Variants in DLGAP2 observed in about 807,000 individuals in gnomAD.
DLGAP2 encodes the protein disks large-associated protein 2.
Under a neutral mutation model 100.3 loss-of-function variants are expected in DLGAP2, and 26 were observed. The observed-to-expected ratio is 0.26, with a 90% CI of 0.19 to 0.36. The LOEUF is 0.36. DLGAP2 is among the 10% of genes least tolerant of loss of function. The pLI, the probability that DLGAP2 is intolerant of heterozygous loss-of-function variation, is 1.00. For synonymous variants in DLGAP2, 886 were observed against 630.1 expected, an observed-to-expected ratio of 1.41 and a Z score of -6.08; for missense variants, 1,858 against 1,453.2, an observed-to-expected ratio of 1.28 and a Z score of -4.53.
At chr8:1,191,397 C>T (rs565088296) in intron 2 of DLGAP2, among the ~76,000 whole-genome samples, 6 of 152,254 alleles carry the variant, frequency 3.9e-5, no homozygotes, top group African/African-American at 1.2e-4. Flanking sequence ...GTCTTGATCT[C>T]CTGACCTTGT....
intron 2 of DLGAP2, among the ~76,000 whole-genome samples, chr8:1,182,142 C>T (rs1052124369): frequency 4.6e-5 from 7 of 152,208 alleles, no homozygotes; most frequent in African/African-American, 1.4e-4. Flanking sequence ...CCTGAGGTGG[C>T]GAGTCATGTG....
intron 14 of DLGAP2, among the ~76,000 whole-genome samples, chr8:1,698,463 C>T (rs1300011262): frequency 6.6e-6 from 1 of 151,078 alleles, no homozygotes; most frequent in Non-Finnish European, 1.5e-5. Context: ...ATGCATGGGA[C>T]AGGTCCACGT....
At chr8:1,237,673 C>G in intron 2 of DLGAP2, among the ~76,000 whole-genome samples, 1 of 26,966 alleles carries the variant, frequency 3.7e-5, no homozygotes, top group Non-Finnish European at 9.0e-5. Flanking sequence ...ATGTCTAGTT[C>G]TCTCTCACAT....
intron 2 of DLGAP2, among the ~76,000 whole-genome samples, chr8:1,198,997 C>T (rs1372884750): frequency 6.6e-6 from 1 of 152,246 alleles, no homozygotes; most frequent in African/African-American, 2.4e-5. Context: ...AGCTGAGTTT[C>T]AGCTGCTCCT....
At chr8:1,459,476 A>T (rs757892) in intron 3 of DLGAP2, among the ~76,000 whole-genome samples, 23,311 of 152,184 alleles carry the variant, frequency 0.15, 2,046 homozygotes, top group South Asian at 0.27. Flanking sequence ...AAGATGTTCT[A>T]TTCCATGCAC....
At chr8:1,696,653 G>A (rs1799405107) in intron 13 of DLGAP2, among the ~76,000 whole-genome samples, 1 of 152,202 alleles carries the variant, frequency 6.6e-6, no homozygotes, top group Non-Finnish European at 1.5e-5. Context: ...GTTGGTGAGA[G>A]CATCCTGTTC....
intron 6 of DLGAP2, among the ~76,000 whole-genome samples, chr8:1,595,958 G>C (rs1796446319): frequency 6.6e-6 from 1 of 151,636 alleles, no homozygotes; most frequent in Non-Finnish European, 1.5e-5. Flanking sequence ...TGCCATGTTG[G>C]TGTGCTGTAC....
intron 1 of DLGAP2, among the ~76,000 whole-genome samples, chr8:841,901 G>C (rs1389643370): frequency 6.6e-6 from 1 of 152,094 alleles, no homozygotes; most frequent in African/African-American, 2.4e-5. Flanking sequence ...GAGAGCACAG[G>C]ATATAATAGA....
At chr8:1,495,212 C>G (rs2130298891) in intron 3 of DLGAP2, among the ~76,000 whole-genome samples, 1 of 152,278 alleles carries the variant, frequency 6.6e-6, no homozygotes, top group South Asian at 2.1e-4. Flanking sequence ...CGTGTGGTGG[C>G]CGTGCTGGGT....
intron 2 of DLGAP2, among the ~76,000 whole-genome samples, chr8:1,085,171 A>G (rs945075336): frequency 1.3e-5 from 2 of 152,226 alleles, no homozygotes; most frequent in South Asian, 4.1e-4. Context: ...CTTTTGAGAA[A>G]TGTGTGTTCA....
At chr8:1,090,533 G>T (rs1001063222) in intron 2 of DLGAP2, among the ~76,000 whole-genome samples, 2 of 152,250 alleles carry the variant, frequency 1.3e-5, no homozygotes, top group South Asian at 2.1e-4. Flanking sequence ...CAGAAATTCA[G>T]GGCCTGAGTG....
intron 1 of DLGAP2, among the ~76,000 whole-genome samples, chr8:905,600 C>A (rs2128998348): frequency 6.6e-6 from 1 of 152,268 alleles, no homozygotes; most frequent in Admixed American, 6.5e-5. Context: ...CCTGCCTGTC[C>A]CTGACCCTAA....
At chr8:1,498,199 G>A (rs922792755) in intron 3 of DLGAP2, among the ~76,000 whole-genome samples, 3 of 152,152 alleles carry the variant, frequency 2.0e-5, no homozygotes, top group African/African-American at 7.2e-5. Context: ...AGGGGTTGTG[G>A]AGATGCAGTT....
intron 6 of DLGAP2, among the ~76,000 whole-genome samples, chr8:1,620,125 C>T (rs73671258): frequency 6.6e-6 from 1 of 152,154 alleles, no homozygotes; most frequent in African/African-American, 2.4e-5. Context: ...TCAAAAGTTC[C>T]ACTCATACTT....
intron 3 of DLGAP2, among the ~76,000 whole-genome samples, chr8:1,435,002 G>C (rs966287787): frequency 1.3e-5 from 2 of 152,162 alleles, no homozygotes; most frequent in African/African-American, 4.8e-5. Flanking sequence ...TCAGTACTCT[G>C]TGTTATTCTT....
chr8:941,426 A>G (rs1405851619), intron 2 of DLGAP2, among the ~76,000 whole-genome samples: 3 of 151,400 alleles, frequency 2.0e-5, no homozygotes, highest in Non-Finnish European at 4.4e-5. Context: ...TGTGTTACTC[A>G]CTCGAGATGT....
chr8:850,053 A>T (rs1585929888), intron 1 of DLGAP2, among the ~76,000 whole-genome samples: 2 of 142,148 alleles, frequency 1.4e-5, no homozygotes. Context: ...ACAGAAGGAG[A>T]CTGTCTAAAA....
At chr8:920,332 C>T (rs1798682164) in intron 2 of DLGAP2, among the ~76,000 whole-genome samples, 1 of 152,218 alleles carries the variant, frequency 6.6e-6, no homozygotes, top group Admixed American at 6.5e-5. Context: ...GCACAGGAAG[C>T]CCCTGTTATC....
chr8:1,683,688 T>C lies in DLGAP2; in HGVS notation c.2704+5059T>C, dbSNP rs74570275. 8.5e-3 allele frequency among the ~76,000 whole-genome samples: 1,261 copies of C among 149,160 alleles called. 24 individuals are homozygous for C. Among genetic ancestry groups the C allele is most frequent in the African/African-American group, 0.03 (1,196 of 40,500 alleles). On this transcript the variant is annotated intron_variant, in intron 12 of 14. Transcript: ENST00000637795. ...CTTAGCGAACAGGATGCCACACTCC[T>C]GCTCACACCTTTATAAAAGCAGAAC...
Sources: allele counts gnomAD v4.1 joint callset (sites outside exome capture counted in the v4.1 genomes callset), GRCh38; gene constraint gnomAD v4.1.1; transcripts MANE v1.5; gene names NCBI Gene and HGNC (gene_info 2026-07-23, HGNC 2026-07-21).